The following CSMD1 variants were observed in gnomAD, a reference collection of about 807,000 sequenced individuals.
The protein encoded by CSMD1 is CUB and sushi domain-containing protein 1.
Under a neutral mutation model 417.5 loss-of-function variants are expected in CSMD1, and 213 were observed. The observed-to-expected ratio is 0.51, with a 90% CI of 0.46 to 0.57. The LOEUF is 0.57. Among genes scored for constraint, CSMD1 ranks in the 20% least tolerant of loss-of-function variants. The pLI is 0.00. For synonymous variants in CSMD1, 2,862 were observed against 1,736.8 expected (o/e 1.65, Z -16.11); for missense variants, 6,923 against 4,529.7 (o/e 1.53, Z -15.17).
At chr8:3,348,608 G>A (rs1808174386) in intron 21 of CSMD1, among the ~76,000 whole-genome samples, 2 of 152,122 alleles carry the variant, frequency 1.3e-5, no homozygotes, top group Non-Finnish European at 2.9e-5. Flanking sequence ...GGCATCAACT[G>A]GGACGCATTC....
intron 7 of CSMD1, among the ~76,000 whole-genome samples, chr8:3,701,336 C>G (rs959442369): frequency 6.6e-6 from 1 of 152,108 alleles, no homozygotes; most frequent in Admixed American, 6.5e-5. Flanking sequence ...TAGCCCTATT[C>G]ATGATAATTC....
chr8:4,889,859 T>C (rs1040049820), intron 1 of CSMD1, among the ~76,000 whole-genome samples: 6 of 152,156 alleles, frequency 3.9e-5, no homozygotes, highest in African/African-American at 1.2e-4. Context: ...TTGTATTTAT[T>C]GATGATGAAA....
chr8:3,448,658 G>C (rs1033453771), intron 12 of CSMD1, among the ~76,000 whole-genome samples: 10 of 152,040 alleles, frequency 6.6e-5, no homozygotes, highest in Non-Finnish European at 1.0e-4. Context: ...AGCATGAGTG[G>C]AGGCCAAGTG....
intron 3 of CSMD1, among the ~76,000 whole-genome samples, chr8:4,056,783 G>C (rs927640000): frequency 4.6e-5 from 7 of 152,018 alleles, no homozygotes; most frequent in Admixed American, 3.3e-4. Context: ...AGAACATGCG[G>C]TGTTTCGTTT....
intron 23 of CSMD1, among the ~76,000 whole-genome samples, chr8:3,341,572 G>C (rs113299566): frequency 0.011 from 1,631 of 152,246 alleles, 21 homozygotes; most frequent in African/African-American, 0.036. Flanking sequence ...AGTGAGCTTA[G>C]TAACATCGCA....
chr8:4,518,759 T>G (rs999061320), intron 2 of CSMD1, among the ~76,000 whole-genome samples: 16 of 151,490 alleles, frequency 1.1e-4, no homozygotes, highest in Admixed American at 3.3e-4. Context: ...AAAACTTAAA[T>G]TATAATAATA....
chr8:3,002,002 G>C (rs1019893951), intron 52 of CSMD1, among the ~76,000 whole-genome samples: 3 of 152,178 alleles, frequency 2.0e-5, no homozygotes, highest in African/African-American at 7.2e-5. Context: ...TAACATTGCA[G>C]AGGAGAGAGA....
At chr8:4,962,762 G>A (rs903747726) in intron 1 of CSMD1, among the ~76,000 whole-genome samples, 1 of 152,176 alleles carries the variant, frequency 6.6e-6, no homozygotes, top group African/African-American at 2.4e-5. Context: ...ATGTTCTTGG[G>A]ATATGGCAGA....
At chr8:3,448,236 G>C (rs909412565) in intron 12 of CSMD1, among the ~76,000 whole-genome samples, 1 of 144,878 alleles carries the variant, frequency 6.9e-6, no homozygotes, top group Admixed American at 7.1e-5. Flanking sequence ...TCTCAAAAGG[G>C]AGAAGAGGAT....
intron 28 of CSMD1, among the ~76,000 whole-genome samples, chr8:3,222,952 T>C (rs1018454285): frequency 5.3e-5 from 8 of 152,180 alleles, no homozygotes; most frequent in Non-Finnish European, 1.2e-4. Context: ...AGTCGTTCCA[T>C]TGACAGATTA....
intron 10 of CSMD1, among the ~76,000 whole-genome samples, chr8:3,498,688 C>G (rs757076634): frequency 5.9e-5 from 9 of 152,182 alleles, no homozygotes; most frequent in Non-Finnish European, 1.0e-4. Context: ...ATTCCTTATT[C>G]TTACTTATTC....
intron 2 of CSMD1, among the ~76,000 whole-genome samples, chr8:4,588,557 G>A (rs1453702317): frequency 2.0e-5 from 3 of 151,926 alleles, no homozygotes; most frequent in African/African-American, 7.2e-5. Flanking sequence ...CCCTTTCGGA[G>A]GCCGAGTCTG....
At chr8:3,507,887 A>C (rs1194438298) in intron 10 of CSMD1, among the ~76,000 whole-genome samples, 1 of 151,848 alleles carries the variant, frequency 6.6e-6, no homozygotes, top group Non-Finnish European at 1.5e-5. Context: ...GTTTGAGTTC[A>C]TTGTAGATTC....
chr8:3,205,950 G>C (rs190301277), intron 30 of CSMD1, among the ~76,000 whole-genome samples: 335 of 152,192 alleles, frequency 2.2e-3, no homozygotes, highest in African/African-American at 7.9e-3. Context: ...GTCTCGCGGA[G>C]TTGTCTGTTC....
intron 2 of CSMD1, among the ~76,000 whole-genome samples, chr8:4,462,292 A>G (rs552350703): frequency 6.6e-6 from 1 of 152,340 alleles, no homozygotes; most frequent in Admixed American, 6.5e-5. Flanking sequence ...TAAATTTAAC[A>G]AAATAAGTAC....
chr8:4,287,689 C>T (rs377300322), intron 3 of CSMD1, among the ~76,000 whole-genome samples: 9 of 57,836 alleles, frequency 1.6e-4, no homozygotes, highest in East Asian at 9.4e-4. Context: ...ATTATTACTA[C>T]TACTTTGTAA....
At chr8:3,754,850 G>T (rs1252047861) in intron 5 of CSMD1, among the ~76,000 whole-genome samples, 1 of 152,186 alleles carries the variant, frequency 6.6e-6, no homozygotes, top group South Asian at 2.1e-4. Flanking sequence ...CCATTTGCAG[G>T]ACTAAGAACC....
chr8:4,141,616 C>A (rs932604418), intron 3 of CSMD1, among the ~76,000 whole-genome samples: 2 of 150,610 alleles, frequency 1.3e-5, no homozygotes, highest in African/African-American at 5.0e-5. Context: ...ACGATTCCTC[C>A]ACTATATTTT....
At chr8:4,082,052 T>C (rs1043187218) in intron 3 of CSMD1, among the ~76,000 whole-genome samples, 6 of 152,080 alleles carry the variant, frequency 3.9e-5, no homozygotes, top group African/African-American at 1.2e-4. Context: ...GCCAAAGGCA[T>C]TTTAGGGGAA....
Sources: allele counts gnomAD v4.1 joint callset (sites outside exome capture counted in the v4.1 genomes callset), GRCh38; gene constraint gnomAD v4.1.1; transcripts MANE v1.5; gene names NCBI Gene and HGNC (gene_info 2026-07-23, HGNC 2026-07-21).